PRIM1: variants seen among roughly 807,000 people sequenced by gnomAD.
The protein encoded by PRIM1 is DNA primase subunit 1, also known as DNA primase small subunit.
PRIM1 carries 38 observed loss-of-function variants against 60.2 expected under a neutral mutation model. That is an observed-to-expected ratio of 0.63 (90% CI 0.49 to 0.83). The LOEUF (loss-of-function observed/expected upper bound fraction) is 0.83. Ranked by LOEUF, PRIM1 falls within the 40% of genes least tolerant of loss-of-function variation. The probability of loss-of-function intolerance (pLI) is 0.00; values close to 1 mark genes in which losing one functional copy is unlikely to be tolerated. For synonymous variants in PRIM1, 158 were observed against 160.2 expected, an observed-to-expected ratio of 0.99 and a Z score of 0.10; for missense variants, 388 against 506.2, an observed-to-expected ratio of 0.77 and a Z score of 2.24.
chr12:56,733,093 G>T (rs1953795622), intron 12 of PRIM1, among the ~76,000 whole-genome samples: 2 of 150,648 alleles, frequency 1.3e-5, no homozygotes, highest in South Asian at 4.2e-4. Flanking sequence ...GACCTCAGGT[G>T]ATCCACCTGC....
intron 2 of PRIM1, among the ~76,000 whole-genome samples, chr12:56,747,952 T>C (rs1369662527): frequency 2.6e-5 from 4 of 152,094 alleles, no homozygotes; most frequent in African/African-American, 9.7e-5. Context: ...AGTGCGTGTT[T>C]AGTGAAGCTG....
At chr12:56,739,180 C>T (rs1953854597) in intron 10 of PRIM1, 114 bp downstream of exon 10, 1 of 758,506 alleles carries the variant, frequency 1.3e-6, no homozygotes, top group South Asian at 3.8e-5. Context: ...ATTTGGTTTC[C>T]ATAACCAAAT....
chr12:56,746,255 T>C, intron 4 of PRIM1, 74 bp from the exon 5 acceptor site: 1 of 1,471,432 alleles, frequency 6.8e-7, no homozygotes, highest in Non-Finnish European at 9.4e-7. Context: ...AAATTACTTG[T>C]TGTTTCCTGT....
chr12:56,738,782 C>T (rs1953852116), intron 10 of PRIM1, among the ~76,000 whole-genome samples: 2 of 152,274 alleles, frequency 1.3e-5, no homozygotes, highest in South Asian at 2.1e-4. Flanking sequence ...GATCTCTTGA[C>T]CTTGTGATCC....
At chr12:56,751,545 C>T (rs886423588) in intron 1 of PRIM1, 1 of 164,210 alleles carries the variant, frequency 6.1e-6, no homozygotes, top group Non-Finnish European at 1.3e-5. Flanking sequence ...CTCGGCTTTC[C>T]AAAGTGCTGG....
In PRIM1 at chr12:56,751,001, A is replaced by G. The variant is rs147124482; in HGVS notation, c.261+37T>C. The G allele has an allele frequency of 6.6e-5, 88 of 1,336,934 alleles. No homozygotes were observed. In the East Asian group the frequency reaches 2.2e-3, roughly 33 times the overall value. The allele number at this position is 1,336,934 out of a possible 1,614,324, so 82.8% of individuals were successfully genotyped here. On this transcript the variant is annotated intron_variant, in intron 2 of 12. Transcript: ENST00000338193. ...AATCAACCCATTCTTGGTTTACAAAATAAAACAACAAAATATATTAAAAAA... is the reference window on the plus strand; with the variant it reads ...AATCAACCCATTCTTGGTTTACAAAGTAAAACAACAAAATATATTAAAAAA...
intron 5 of PRIM1, 64 bp from the exon 6 acceptor site, chr12:56,744,187 T>C: frequency 8.0e-7 from 1 of 1,250,832 alleles, no homozygotes. Context: ...ATGTGCAGCA[T>C]AACGACATTT....
Position 56,740,729 on chromosome 12 carries a change from C to A in PRIM1, c.982+706G>T, listed in dbSNP as rs999521193. On this transcript the variant is annotated intron_variant, in intron 9 of 12. Transcript: ENST00000338193. ...CCGAGATTGCACCAGTGCACTCCAG[C>A]CTGGGTGACAGAGTGAGACTCTTTC... Among the ~76,000 whole-genome samples the A allele has an allele frequency of 1.2e-4, 18 of 152,286 alleles. 3 individuals carry two copies. The East Asian group carries it at 3.5e-3, about 29-fold the overall frequency.
At chr12:56,734,937 G>A (rs1953814871) in intron 11 of PRIM1, among the ~76,000 whole-genome samples, 3 of 149,516 alleles carry the variant, frequency 2.0e-5, no homozygotes, top group East Asian at 3.9e-4. Flanking sequence ...TCAGCCTCCC[G>A]ACTAGCTGGG....
At chr12:56,734,269 A>G (rs1456431944) in intron 11 of PRIM1, 24 bp from the exon 12 acceptor site, 30 of 1,388,034 alleles carry the variant, frequency 2.2e-5, no homozygotes, top group Non-Finnish European at 2.8e-5. Flanking sequence ...AATGTACATT[A>G]TAATTAGCAT....
intron 9 of PRIM1, 66 bp downstream of exon 9, chr12:56,741,369 C>T (rs1953870970): frequency 1.4e-6 from 2 of 1,475,538 alleles, no homozygotes; most frequent in African/African-American, 1.4e-5. Flanking sequence ...GACCTAATGC[C>T]ATGCTTACTA....
intron 9 of PRIM1, among the ~76,000 whole-genome samples, chr12:56,739,865 G>A (rs1213292663): frequency 1.3e-5 from 2 of 152,152 alleles, no homozygotes; most frequent in African/African-American, 4.8e-5. Flanking sequence ...CCAGCCAGGT[G>A]CAGTGGCTCA....
chr12:56,741,871 G>C, intron 7 of PRIM1, 34 bp from the exon 8 acceptor site: 2 of 1,540,292 alleles, frequency 1.3e-6, no homozygotes, highest in Non-Finnish European at 1.8e-6. Flanking sequence ...CTCATTTAGG[G>C]AACATCAATG....
rs1480106325 is a variant in PRIM1, at chr12:56,752,178, A to C, written c.103+18T>G. 14 of 1,550,226 alleles carry C rather than the reference A, an allele frequency of 9.0e-6. No individual in the cohort carries two copies. The highest frequency in any genetic ancestry group is 1.2e-5 in the Non-Finnish European group (14 of 1,136,338). Reference sequence around the variant, plus strand: ...CTCCTCACACTCCGCTCCCGAACCCATTCCTCGCCTCCATCACCTCCACCG... The same window carrying C: ...CTCCTCACACTCCGCTCCCGAACCCCTTCCTCGCCTCCATCACCTCCACCG... On this transcript the variant is annotated intron_variant, in intron 1 of 12. Coordinates refer to ENST00000338193, the MANE Select transcript of PRIM1 (RefSeq NM_000946.3).
chr12:56,737,302 G>C (rs1953839982), intron 11 of PRIM1, among the ~76,000 whole-genome samples: 1 of 151,586 alleles, frequency 6.6e-6, no homozygotes, highest in African/African-American at 2.4e-5. Flanking sequence ...CCACAAAACT[G>C]GTACCTGATG....
In PRIM1 at chr12:56,751,078, T is replaced by A. The variant is rs770876137; in HGVS notation, c.221A>T (p.Asn74Ile). The A allele has an allele frequency of 1.9e-6, 3 of 1,600,288 alleles. No homozygotes were observed. In the South Asian group the frequency reaches 3.4e-5, roughly 18 times the overall value. ...SDLEKEMQKMNPYKIDIGAVY... is the reference protein window; with the variant it reads ...SDLEKEMQKMIPYKIDIGAVY... ...TGCGCCTATATCAATCTTGTATGGA[T>A]TCATTTTCTGCATCTCCTTTTCCAG... Residue 74 changes from asparagine (N) to isoleucine (I), a missense_variant, in exon 2 of 13, where the codon AAT (asparagine) becomes ATT (isoleucine). Physicochemically the swap from Asn to Ile is moderately radical, Grantham distance 149. Around this residue, in one of 3 missense-constraint regions of PRIM1, gnomAD observed 156 missense variants for 175.8 expected, o/e 0.89. Coordinates refer to ENST00000338193, the MANE Select transcript of PRIM1 (RefSeq NM_000946.3).
chr12:56,752,051 G>A (rs1457807970), intron 1 of PRIM1, 145 bp downstream of exon 1: 2 of 387,720 alleles, frequency 5.2e-6, no homozygotes, highest in Non-Finnish European at 9.7e-6. Flanking sequence ...CACCTATGAA[G>A]TGGTGGGGCG....
chr12:56,746,677 AAT>A (rs1953910303), intron 4 of PRIM1, 102 bp downstream of exon 4: 61 of 284,544 alleles, frequency 2.1e-4, no homozygotes, highest in Non-Finnish European at 2.7e-4. Context: ...CACACACACA[AAT>A]TAATGAGATT....
In PRIM1 at chr12:56,741,762, A is replaced by G. The variant is rs1381296014; in HGVS notation, c.824T>C (p.Val275Ala). Residue 275 changes from valine (V) to alanine (A), a missense_variant, in exon 8 of 13, where the codon GTA becomes GCA. Physicochemically the swap from Val to Ala is moderately conservative, Grantham distance 64 (BLOSUM62 0). Coordinates refer to ENST00000338193, the MANE Select transcript of PRIM1 (RefSeq NM_000946.3). ...GGCATATACCTGATATCTGCTGGCTACTTTCTTCAAGTGCTCCCAACGCTG... is the reference window on the plus strand; with the variant it reads ...GGCATATACCTGATATCTGCTGGCTGCTTTCTTCAAGTGCTCCCAACGCTG... The part of the protein sequence containing the change: ...SLQRWEHLKK[V>A]ASRYQNNIKN... The G allele has an allele frequency of 1.2e-6, 2 of 1,613,818 alleles. No homozygotes were observed. Among genetic ancestry groups the G allele is most frequent in the Non-Finnish European group, 1.7e-6 (2 of 1,179,774 alleles).
Sources: gnomAD v4.1 joint callset for allele counts (sites outside exome capture counted in the v4.1 genomes callset) on GRCh38, gnomAD v4.1.1 for gene constraint, gnomAD v4.1.1 regional missense constraint, MANE v1.5 for transcripts, NCBI Gene and HGNC (gene_info 2026-07-23, HGNC 2026-07-21) for gene names.